The following GUCY2F variants were observed in gnomAD, a reference collection of about 807,000 sequenced individuals.
GUCY2F encodes the protein retinal guanylyl cyclase 2.
A neutral mutation model predicts 73.1 loss-of-function variants in GUCY2F; 61 were observed. That is an observed-to-expected ratio of 0.83 (90% CI 0.68 to 1.03). The LOEUF (loss-of-function observed/expected upper bound fraction) is 1.03, where lower values mean the gene tolerates loss of function less well. GUCY2F is among the 50% of genes least tolerant of loss of function. The pLI is 0.00. For synonymous variants in GUCY2F, 331 were observed against 307.8 expected (o/e 1.08, Z -0.79); for missense variants, 912 against 854.3 (o/e 1.07, Z -0.84).
At position 109,441,360 on chromosome X, in the gene GUCY2F, C is replaced by T. The variant is rs371062150; in HGVS notation, c.1692G>A (p.Ala564=). Residue 564 remains alanine (A), a synonymous_variant, in exon 7 of 20, where the codon GCG becomes GCA. Transcript: ENST00000218006. The stretch of plus-strand genomic sequence containing the variant: ...CTGTTGAATATCTTACCTCATAAAT[C>T]GCTATGTTGGAGTTTTCATAGGTAG... ...TPATYENSNI[A]IYEGDWVWLK... 4.2e-5 allele frequency: 48 copies of T among 1,136,426 alleles called. No individual in the cohort carries two copies. The highest frequency in any genetic ancestry group is 5.2e-5 in the Non-Finnish European group (44 of 848,204). 93.7% of individuals were successfully genotyped at this position (1,136,426 alleles called of 1,213,427 possible). A position where few individuals can be genotyped will look rare whatever the true frequency, so the allele number is the denominator to read the frequency against.
intron 5 of GUCY2F, among the ~76,000 whole-genome samples, chrX:109,451,297 A>C (rs1394426962): frequency 1.8e-5 from 2 of 111,642 alleles, no homozygotes; most frequent in African/African-American, 6.5e-5. Context: ...GATCTGAGAG[A>C]GGAAGACAAA....
intron 7 of GUCY2F, among the ~76,000 whole-genome samples, chrX:109,436,312 T>C (rs1931744053): frequency 9.0e-6 from 1 of 110,545 alleles, no homozygotes; most frequent in Non-Finnish European, 1.9e-5. Flanking sequence ...TGTGGAGAAA[T>C]AGGAACACTT....
Position 109,409,060 on chromosome X carries a change from T to C in GUCY2F, c.1900A>G (p.Ile634Val), listed in dbSNP as rs897483162. The change falls in exon 9 of 20, where the codon ATA (isoleucine) becomes GTA (valine). Residue 634 changes from isoleucine to valine, a missense_variant. Coordinates refer to ENST00000218006, the MANE Select transcript of GUCY2F (RefSeq NM_001522.3). ...EFCSRGSLED[I>V]LTNQDVKLDW... ...AGTTTCACATCTTGATTTGTCAGTA[T>C]GTCTTCTAGGCTCCCTCGGGAACAG... 1.8e-6 allele frequency: 2 copies of C among 1,108,708 alleles called. No homozygotes were observed. The highest frequency in any genetic ancestry group is 1.8e-5 in the African/African-American group (1 of 55,403). The allele number at this position is 1,108,708 out of a possible 1,213,427, so 91.4% of individuals were successfully genotyped here. A position where few individuals can be genotyped will look rare whatever the true frequency, so the allele number is the denominator to read the frequency against.
chrX:109,460,521 A>G (rs1932340675), intron 3 of GUCY2F, among the ~76,000 whole-genome samples: 1 of 111,842 alleles, frequency 8.9e-6, no homozygotes, highest in South Asian at 3.7e-4. Flanking sequence ...TTGTATACTC[A>G]TTCAAACTAT....
intron 8 of GUCY2F, among the ~76,000 whole-genome samples, chrX:109,413,204 G>C (rs1214824135): frequency 2.7e-5 from 3 of 112,052 alleles, no homozygotes; most frequent in African/African-American, 9.8e-5. Context: ...ATGCCTACAT[G>C]CAGTCATGTC....
chrX:109,479,161 T>A (rs1325068003), intron 1 of GUCY2F, among the ~76,000 whole-genome samples: 1 of 111,812 alleles, frequency 8.9e-6, no homozygotes, highest in East Asian at 2.8e-4. Flanking sequence ...GGAGCACCAG[T>A]TCCACTGTAT....
intron 8 of GUCY2F, among the ~76,000 whole-genome samples, chrX:109,426,412 G>A (rs938749952): frequency 8.9e-6 from 1 of 111,750 alleles, no homozygotes; most frequent in Non-Finnish European, 1.9e-5. Context: ...TTTTTGAGAC[G>A]GAGTCTTGGT....
At chrX:109,422,408 A>G (rs1931390888) in intron 8 of GUCY2F, among the ~76,000 whole-genome samples, 1 of 111,794 alleles carries the variant, frequency 8.9e-6, no homozygotes, top group South Asian at 3.7e-4. Flanking sequence ...AAGGAAATGG[A>G]GAGTTGTTTA....
intron 8 of GUCY2F, among the ~76,000 whole-genome samples, chrX:109,423,081 C>CG (rs1291752547): frequency 2.7e-5 from 3 of 111,818 alleles, no homozygotes; most frequent in Non-Finnish European, 5.7e-5. Flanking sequence ...CTCTGGTTTT[C>CG]GGTGAACACA....
chrX:109,456,356 A>T (rs1932259836), intron 3 of GUCY2F, among the ~76,000 whole-genome samples: 1 of 112,211 alleles, frequency 8.9e-6, no homozygotes, highest in South Asian at 3.7e-4. Context: ...GTGAAAACAC[A>T]CACACACACA....
chrX:109,373,676 C>T (rs1459444052), intron 19 of GUCY2F, among the ~76,000 whole-genome samples: 1 of 112,146 alleles, frequency 8.9e-6, no homozygotes, highest in Admixed American at 9.4e-5. Context: ...CTGCCAAGTC[C>T]TCCTGAACAG....
At chrX:109,422,252 T>C (rs1405423535) in intron 8 of GUCY2F, among the ~76,000 whole-genome samples, 1 of 111,816 alleles carries the variant, frequency 8.9e-6, no homozygotes, top group Admixed American at 9.5e-5. Flanking sequence ...ACATATTTTA[T>C]AAACACAATG....
chrX:109,389,638 G>GT (rs1463518556), intron 14 of GUCY2F, among the ~76,000 whole-genome samples: 1 of 112,075 alleles, frequency 8.9e-6, no homozygotes, highest in Non-Finnish European at 1.9e-5. Context: ...GATAATGATA[G>GT]TAAAAACTTC....
intron 1 of GUCY2F, among the ~76,000 whole-genome samples, chrX:109,478,085 C>A (rs746361564): frequency 2.7e-5 from 3 of 111,761 alleles, no homozygotes; most frequent in African/African-American, 6.5e-5. Flanking sequence ...ATAAGAGCCT[C>A]AAATTTATTC....
In GUCY2F at chrX:109,453,843, C is replaced by T; in HGVS notation, c.1049G>A (p.Gly350Glu). ...LEFDQVSPLF[G>E]TIYNSIYFIA... ...AAAGTAAATTGAATTGTAGATGGTT[C>T]CAAACAACGGTGAAACCTATTTTTA... The change falls in exon 4 of 20, where the codon GGA (glycine) becomes GAA (glutamate). Residue 350 changes from glycine to glutamate, a missense_variant. Coordinates refer to ENST00000218006, the MANE Select transcript of GUCY2F (RefSeq NM_001522.3). 8.6e-7 allele frequency: 1 copy of T among 1,162,203 alleles called. No individual in the cohort carries two copies. The highest frequency in any genetic ancestry group is 1.9e-5 in the South Asian group (1 of 52,585).
intron 2 of GUCY2F, among the ~76,000 whole-genome samples, chrX:109,471,988 G>A (rs1428962175): frequency 1.8e-5 from 2 of 111,775 alleles, no homozygotes; most frequent in African/African-American, 6.5e-5. Context: ...CCACCCAAGA[G>A]TGCATGGCTA....
rs181716232 is a variant in GUCY2F at position 109,482,057 on chromosome X, C to T, written c.-277G>A. 21 of 112,121 alleles carry T rather than the reference C, an allele frequency of 1.9e-4. No homozygotes were observed. Among genetic ancestry groups the T allele is most frequent in the African/African-American group, 6.2e-4 (19 of 30,868 alleles). 9.2% of individuals were successfully genotyped at this position (112,121 alleles called of 1,213,427 possible). On this transcript the variant is annotated 5_prime_UTR_variant, in exon 1 of 20. Transcript: ENST00000218006. ...GTTAGTAAATGTTTTGAAAATCACT[C>T]TTCAGCATCCGCAGACCAAGACTTG...
At chrX:109,412,995 T>C (rs975875912) in intron 8 of GUCY2F, among the ~76,000 whole-genome samples, 4 of 112,371 alleles carry the variant, frequency 3.6e-5, no homozygotes, top group African/African-American at 1.3e-4. Context: ...ATACCCACCT[T>C]GTGCTGTTAT....
At chrX:109,476,827 G>GTATA (rs56799740) in intron 1 of GUCY2F, among the ~76,000 whole-genome samples, 4 of 107,130 alleles carry the variant, frequency 3.7e-5, no homozygotes, top group African/African-American at 1.4e-4. Context: ...ATATATATGT[G>GTATA]TATATATATA....
Sources: gnomAD v4.1 joint callset for allele counts (sites outside exome capture counted in the v4.1 genomes callset) on GRCh38, gnomAD v4.1.1 for gene constraint, MANE v1.5 for transcripts, NCBI Gene and HGNC (gene_info 2026-07-23, HGNC 2026-07-21) for gene names.